The following EBF4 variants were observed in gnomAD, a reference collection of about 807,000 sequenced individuals.
The protein encoded by EBF4 is transcription factor COE4.
Under a neutral mutation model 67.1 loss-of-function variants are expected in EBF4, and 34 were observed. The observed-to-expected ratio is 0.51, with a 90% confidence interval of 0.39 to 0.67. The LOEUF (loss-of-function observed/expected upper bound fraction) is 0.67, where lower values mean the gene tolerates loss of function less well. EBF4 is among the 30% of genes least tolerant of loss of function. The pLI is 0.00. For synonymous variants in EBF4, 387 were observed against 377.7 expected (o/e 1.02, Z -0.29); for missense variants, 837 against 873.3 (o/e 0.96, Z 0.52).
chr20:2,693,739 A>G lies in EBF4; in HGVS notation c.94A>G (p.Met32Val). 1 of 1,360,698 alleles carries G rather than the reference A, an allele frequency of 7.3e-7. No individual in the cohort carries two copies. The highest frequency in any genetic ancestry group is 9.4e-7 in the Non-Finnish European group (1 of 1,061,418). 84.3% of individuals were successfully genotyped at this position (1,360,698 alleles called of 1,614,324 possible). ...CGGCCTGGGCTCAGTGCGCTCCTGGATGCAGGGCGCGGGCATCCTGGACGC... is the reference window on the plus strand; with the variant it reads ...CGGCCTGGGCTCAGTGCGCTCCTGGGTGCAGGGCGCGGGCATCCTGGACGC... The change falls in exon 1 of 17, where the codon ATG (methionine) becomes GTG (valine). Residue 32 changes from methionine (M) to valine (V), a missense_variant. Physicochemically the swap from Met to Val is conservative, Grantham distance 21 (BLOSUM62 1). This residue lies in a region of EBF4 where 86 missense variants were observed against 70.3 expected (regional missense o/e 1.22). Coordinates refer to ENST00000609451, the Ensembl canonical transcript of EBF4. The surrounding 1 kb of genome is among the most constrained non-coding windows in gnomAD (Gnocchi z 4.6).
At chr20:2,736,985 C>G (rs1399172548) in intron 6 of EBF4, among the ~76,000 whole-genome samples, 2 of 152,000 alleles carry the variant, frequency 1.3e-5, no homozygotes, top group Admixed American at 6.6e-5. Flanking sequence ...CGCGGTGGCT[C>G]ACGCTTGTAA....
chr20:2,703,382 G>A (rs923869000), intron 1 of EBF4, among the ~76,000 whole-genome samples: 3 of 152,020 alleles, frequency 2.0e-5, no homozygotes, highest in Admixed American at 1.3e-4. Flanking sequence ...GTTGCAGTGA[G>A]CTATGATCAC....
At chr20:2,750,013 G>C (rs747870971) in intron 10 of EBF4, 40 bp downstream of exon 10, 1 of 1,519,634 alleles carries the variant, frequency 6.6e-7, no homozygotes, top group South Asian at 1.3e-5. Flanking sequence ...TAAGGTGCGC[G>C]GAGGGAGCCC....
rs536179312 is a variant in EBF4, at chr20:2,717,850, G to A, written c.557+8208G>A. Among the ~76,000 whole-genome samples, 11 of 149,240 alleles carry A rather than the reference G, an allele frequency of 7.4e-5. No homozygotes were observed. The East Asian group carries it at 9.8e-4, about 13-fold the overall frequency. On this transcript the variant is annotated intron_variant, in intron 6 of 16. Coordinates refer to ENST00000609451, the Ensembl canonical transcript of EBF4. ...TTTTGAGACAGAGTCTCGCTCTGTCGCTCAGGCTGGAGTGCAGTGGCATGA... is the reference window on the plus strand; with the variant it reads ...TTTTGAGACAGAGTCTCGCTCTGTCACTCAGGCTGGAGTGCAGTGGCATGA...
At chr20:2,733,921 G>A (rs1198591592) in intron 6 of EBF4, among the ~76,000 whole-genome samples, 1 of 151,742 alleles carries the variant, frequency 6.6e-6, no homozygotes, top group Non-Finnish European at 1.5e-5. Context: ...TCGCAGGTTA[G>A]AGAAGCTTGT....
intron 6 of EBF4, among the ~76,000 whole-genome samples, chr20:2,726,660 TC>T (rs533572191): frequency 2.6e-3 from 389 of 152,268 alleles, no homozygotes; most frequent in Non-Finnish European, 4.4e-3. Flanking sequence ...CTAGTCCTTT[TC>T]CCCCATTACT....
At chr20:2,725,127 C>T (rs2087730999) in intron 6 of EBF4, among the ~76,000 whole-genome samples, 1 of 152,146 alleles carries the variant, frequency 6.6e-6, no homozygotes, top group Admixed American at 6.5e-5. Context: ...TAGCCTTTGT[C>T]TCTCCTAATG....
At chr20:2,746,262 T>A (rs573647245) in intron 6 of EBF4, among the ~76,000 whole-genome samples, 81 of 152,242 alleles carry the variant, frequency 5.3e-4, no homozygotes, top group African/African-American at 1.9e-3. Flanking sequence ...ACTGAAGGTG[T>A]CTGCACCTTG....
At chr20:2,746,530 G>A (rs962997280) in intron 6 of EBF4, among the ~76,000 whole-genome samples, 1 of 152,172 alleles carries the variant, frequency 6.6e-6, no homozygotes. Flanking sequence ...GGGGCTGCCT[G>A]CTGGGGACAC....
chr20:2,707,800 A>G lies in EBF4; in HGVS notation c.415-147A>G, dbSNP rs571959473. The G allele has an allele frequency of 1.5e-4, 100 of 682,944 alleles. No homozygotes were observed. Among genetic ancestry groups the G allele is most frequent in the African/African-American group, 1.2e-3 (66 of 53,762 alleles). 42.3% of individuals were successfully genotyped at this position (682,944 alleles called of 1,614,324 possible). A position where few individuals can be genotyped will look rare whatever the true frequency, so the allele number is the denominator to read the frequency against. On this transcript the variant is annotated intron_variant, in intron 4 of 16. Transcript: ENST00000609451. The surrounding 1 kb of genome is among the most constrained non-coding windows in gnomAD (Gnocchi z 4.6). ...AGGAGGGGTTATCCCCCGCCTGGGC[A>G]GCCCAGAGCAAGGCAGAGGGCGTGC...
intron 5 of EBF4, among the ~76,000 whole-genome samples, chr20:2,709,197 A>G (rs928362118): frequency 1.3e-5 from 2 of 152,124 alleles, no homozygotes; most frequent in Admixed American, 6.5e-5. Context: ...AAAAAAAAGA[A>G]AAAAAGATTC....
chr20:2,707,907 G>C lies in EBF4; in HGVS notation c.415-40G>C, dbSNP rs767321117. On this transcript the variant is annotated intron_variant, in intron 4 of 16. Transcript: ENST00000609451. The surrounding 1 kb of genome is among the most constrained non-coding windows in gnomAD (Gnocchi z 4.6). The stretch of plus-strand genomic sequence containing the variant: ...GTGCTGCCACCTGCACCTCAGAGGA[G>C]CCTCCTTCCCCTCCAGCCTGTGCAC... 1 of 1,540,768 alleles carries C rather than the reference G, an allele frequency of 6.5e-7. No homozygotes were observed. The highest frequency in any genetic ancestry group is 1.4e-5 in the African/African-American group (1 of 73,374).
intron 10 of EBF4, among the ~76,000 whole-genome samples, chr20:2,750,883 C>T (rs1185722485): frequency 6.6e-6 from 1 of 152,104 alleles, no homozygotes; most frequent in Non-Finnish European, 1.5e-5. Flanking sequence ...TGATAAGGAC[C>T]GATCCCCAGA....
At chr20:2,697,801 A>G (rs1306931665) in intron 1 of EBF4, among the ~76,000 whole-genome samples, 2 of 152,132 alleles carry the variant, frequency 1.3e-5, no homozygotes, top group Admixed American at 6.5e-5. Flanking sequence ...TCCTGCTGGC[A>G]CACTCAGCAC....
At chr20:2,699,337 A>G (rs1276434181) in intron 1 of EBF4, among the ~76,000 whole-genome samples, 2 of 152,236 alleles carry the variant, frequency 1.3e-5, no homozygotes, top group Non-Finnish European at 1.5e-5. Context: ...ATGCACACCC[A>G]TGCTCACTAC....
chr20:2,723,516 A>G (rs1568575145), intron 6 of EBF4, among the ~76,000 whole-genome samples: 1 of 151,340 alleles, frequency 6.6e-6, no homozygotes. Context: ...CGCCCGGCTA[A>G]TTTTTTGTAT....
At chr20:2,754,566 C>T (rs1324417005) in intron 14 of EBF4, among the ~76,000 whole-genome samples, 1 of 152,166 alleles carries the variant, frequency 6.6e-6, no homozygotes, top group Non-Finnish European at 1.5e-5. Context: ...CTGTTGAAGG[C>T]ATTCTTGTAT....
chr20:2,706,168 T>C, intron 3 of EBF4, 41 bp from the exon 4 acceptor site: 1 of 1,551,726 alleles, frequency 6.4e-7, no homozygotes, highest in Non-Finnish European at 8.7e-7. Flanking sequence ...AGGCTGCACA[T>C]GCTCCCCCAG....
rs760122234 is a variant in EBF4, at chr20:2,752,015, G to T, written c.1173+28G>T. On this transcript the variant is annotated intron_variant, in intron 12 of 16. Transcript: ENST00000609451. The stretch of plus-strand genomic sequence containing the variant: ...ATGGCGCCTCCGCCCTCCCAGCGCC[G>T]CCGGGACCGGGGCCCCCCAGCACGC... 56 of 1,533,558 alleles carry T rather than the reference G, an allele frequency of 3.7e-5. No homozygotes were observed. The East Asian group carries it at 1.0e-3, about 28-fold the overall frequency. The allele number at this position is 1,533,558 out of a possible 1,614,324, so 95.0% of individuals were successfully genotyped here.
Sources: gnomAD v4.1 joint callset for allele counts (sites outside exome capture counted in the v4.1 genomes callset) on GRCh38, gnomAD v4.1.1 for gene constraint, gnomAD v4.1.1 regional missense constraint, Gnocchi (gnomAD v3.1) non-coding constraint, MANE v1.5 for transcripts, NCBI Gene and HGNC (gene_info 2026-07-23, HGNC 2026-07-21) for gene names.